Variants in PWWP2A observed in about 807,000 individuals in gnomAD.
PWWP2A encodes the protein PWWP domain-containing protein 2A.
Under a neutral mutation model 48.5 loss-of-function variants are expected in PWWP2A, and 18 were observed. The ratio of observed to expected loss-of-function variants is 0.37; its 90% CI spans 0.26 to 0.55. PWWP2A has a LOEUF of 0.55. Ranked by LOEUF, PWWP2A falls within the 20% of genes least tolerant of loss-of-function variation. The probability of loss-of-function intolerance (pLI) is 0.81; values close to 1 mark genes in which losing one functional copy is unlikely to be tolerated. For synonymous variants in PWWP2A, 396 were observed against 387.7 expected (o/e 1.02, Z -0.25); for missense variants, 867 against 976.4 (o/e 0.89, Z 1.49).
chr5:160,065,050 A>G, intron 4 of PWWP2A: 1 of 1,610,856 alleles, frequency 6.2e-7, no homozygotes, highest in Non-Finnish European at 8.5e-7. Context: ...TTCAAAATCC[A>G]AATAATAACA....
chr5:160,119,196 C>T lies in PWWP2A; in HGVS notation c.193G>A (p.Glu65Lys), dbSNP rs770672283. The T allele has an allele frequency of 5.5e-6, 8 of 1,464,072 alleles. No individual in the cohort carries two copies. The South Asian group carries it at 9.7e-5, about 18-fold the overall frequency. The allele number at this position is 1,464,072 out of a possible 1,614,324, so 90.7% of individuals were successfully genotyped here. ...DGQQSAPQAD[E>K]PPLPPPPPPP... ...GGCGGTGGCGGCGGGAGCGGCGGCT[C>T]GTCGGCCTGAGGAGCGGATTGCTGC... Residue 65 changes from glutamate (E) to lysine (K), a missense_variant, in exon 1 of 2, where the codon GAG becomes AAG. Glu to Lys is a moderately conservative substitution (Grantham distance 56, BLOSUM62 1). Transcript: ENST00000307063.
intron 2 of PWWP2A, among the ~76,000 whole-genome samples, chr5:160,083,748 A>G (rs1009257505): frequency 8.5e-5 from 13 of 152,236 alleles, no homozygotes; most frequent in African/African-American, 2.9e-4. Flanking sequence ...CTCATCATTC[A>G]TTCACAAGAA....
chr5:160,113,769 G>A (rs1757828292), intron 1 of PWWP2A, among the ~76,000 whole-genome samples: 1 of 152,190 alleles, frequency 6.6e-6, no homozygotes, highest in Non-Finnish European at 1.5e-5. Context: ...CAGAGGCAAT[G>A]AAATCAAGAG....
At chr5:160,110,500 A>G (rs1197939444) in intron 1 of PWWP2A, among the ~76,000 whole-genome samples, 2 of 151,972 alleles carry the variant, frequency 1.3e-5, no homozygotes, top group Admixed American at 1.3e-4. Context: ...TAAGGTCGGG[A>G]GTTCAAGACC....
chr5:160,045,520 A>ACACTCT, the PWWP2A span, among the ~76,000 whole-genome samples: 26 of 54,884 alleles, frequency 4.7e-4, no homozygotes, highest in African/African-American at 1.1e-3. Flanking sequence ...ACACATACAC[A>ACACTCT]CTCTCTCTCT....
At chr5:160,055,171 A>G in the PWWP2A span, among the ~76,000 whole-genome samples, 1 of 152,234 alleles carries the variant, frequency 6.6e-6, no homozygotes, top group Non-Finnish European at 1.5e-5. Flanking sequence ...GACATCTGTC[A>G]TCATTTGCAA....
the PWWP2A span, among the ~76,000 whole-genome samples, chr5:160,048,819 C>T: frequency 4.6e-5 from 7 of 152,080 alleles, no homozygotes; most frequent in African/African-American, 1.4e-4. Flanking sequence ...GGCATGGTGG[C>T]GCATGCCTGT....
At position 160,085,653 on chromosome 5, in the gene PWWP2A, C is replaced by T. The variant is rs554434020; in HGVS notation, c.1550-4883G>A. ...TACTGAGTAGCTGGGATTACAGGTG[C>T]GTGCCAGCATGCCCATCTAATTTTT... On this transcript the variant is annotated intron_variant, in intron 2 of 3. Transcript: ENST00000456329. Among the ~76,000 whole-genome samples the T allele has an allele frequency of 2.6e-5, 4 of 151,628 alleles. No homozygotes were observed. In the South Asian group the frequency reaches 6.3e-4, roughly 24 times the overall value.
In PWWP2A at chr5:160,119,189, G is replaced by A; in HGVS notation, c.200C>T (p.Pro67Leu). The A allele has an allele frequency of 6.8e-7, 1 of 1,474,358 alleles. No individual in the cohort carries two copies. The highest frequency in any genetic ancestry group is 2.7e-5 in the Admixed American group (1 of 37,110). 91.3% of individuals were successfully genotyped at this position (1,474,358 alleles called of 1,614,324 possible). Residue 67 changes from proline (P) to leucine (L), a missense_variant, in exon 1 of 2, where the codon CCG becomes CTG. Transcript: ENST00000307063. ...CGGCGGCGGCGGTGGCGGCGGGAGC[G>A]GCGGCTCGTCGGCCTGAGGAGCGGA... ...QQSAPQADEP[P>L]LPPPPPPPGE...
chr5:160,099,307 A>G (rs1176972873), intron 1 of PWWP2A, among the ~76,000 whole-genome samples: 1 of 152,198 alleles, frequency 6.6e-6, no homozygotes, highest in Non-Finnish European at 1.5e-5. Context: ...TGTGCAGCAT[A>G]AAGGCATGTG....
At chr5:160,083,225 C>T (rs1375530759) in intron 2 of PWWP2A, among the ~76,000 whole-genome samples, 1 of 152,172 alleles carries the variant, frequency 6.6e-6, no homozygotes, top group East Asian at 1.9e-4. Flanking sequence ...TACCAGGACT[C>T]ACACCAAGAT....
downstream of PWWP2A, among the ~76,000 whole-genome samples, chr5:160,087,772 G>T (rs941015923): frequency 2.0e-5 from 3 of 152,152 alleles, no homozygotes; most frequent in African/African-American, 4.8e-5. Flanking sequence ...ATAACAAGGA[G>T]AAAGTGATTT....
downstream of PWWP2A, among the ~76,000 whole-genome samples, chr5:160,088,113 A>G (rs1212475040): frequency 6.6e-6 from 1 of 152,256 alleles, no homozygotes; most frequent in Non-Finnish European, 1.5e-5. Context: ...TGAAGGGCCT[A>G]TTAACTAAAT....
intron 1 of PWWP2A, among the ~76,000 whole-genome samples, chr5:160,099,232 A>C (rs1263240607): frequency 6.6e-6 from 1 of 152,190 alleles, no homozygotes; most frequent in African/African-American, 2.4e-5. Context: ...CCTTGCTTTA[A>C]GTTTTCCAAA....
At chr5:160,056,053 G>C in the PWWP2A span, among the ~76,000 whole-genome samples, 2 of 152,194 alleles carry the variant, frequency 1.3e-5, no homozygotes, top group African/African-American at 4.8e-5. Context: ...CACAAGTATG[G>C]CTTGTATTCT....
chr5:160,076,627 C>T (rs954457232), exon 4 of PWWP2A: 3 of 152,190 alleles, frequency 2.0e-5, no homozygotes, highest in African/African-American at 4.8e-5. Flanking sequence ...GCATTAAGCT[C>T]ATTAGACACA....
intron 1 of PWWP2A, chr5:160,113,080 C>T (rs143568605): frequency 9.5e-5 from 22 of 232,680 alleles, no homozygotes; most frequent in African/African-American, 4.9e-4. Context: ...ACTGCTTGAA[C>T]CACGGAGATG....
At chr5:160,082,887 GCAACTATT>G (rs1046412399) in intron 2 of PWWP2A, among the ~76,000 whole-genome samples, 1 of 152,118 alleles carries the variant, frequency 6.6e-6, no homozygotes, top group Non-Finnish European at 1.5e-5. Flanking sequence ...TGCAACAATG[GCAACTATT>G]CTTGGGAAGC....
At position 160,119,448 on chromosome 5, in the gene PWWP2A, C is replaced by G; in HGVS notation, c.-60G>C. The G allele has an allele frequency of 7.4e-7, 1 of 1,350,634 alleles. No homozygotes were observed. The highest frequency in any genetic ancestry group is 9.5e-7 in the Non-Finnish European group (1 of 1,057,554). The allele number at this position is 1,350,634 out of a possible 1,614,324, so 83.7% of individuals were successfully genotyped here. A position where few individuals can be genotyped will look rare whatever the true frequency, so the allele number is the denominator to read the frequency against. The stretch of plus-strand genomic sequence containing the variant: ...TGCAGCGGCGGCGGCGACAGCGCTG[C>G]TTGGTTCCCTGGGCCTTCCCCTCCC... On this transcript the variant is annotated 5_prime_UTR_variant, in exon 1 of 2. Transcript: ENST00000307063.
Sources: gnomAD v4.1 joint callset for allele counts (sites outside exome capture counted in the v4.1 genomes callset) on GRCh38, gnomAD v4.1.1 for gene constraint, MANE v1.5 for transcripts, NCBI Gene and HGNC (gene_info 2026-07-23, HGNC 2026-07-21) for gene names.